DOP1A: variants seen among roughly 807,000 people sequenced by gnomAD.
The protein encoded by DOP1A is protein DOP1A.
DOP1A carries 90 observed loss-of-function variants against 267.6 expected under a neutral mutation model. The observed-to-expected ratio is 0.34, with a 90% CI of 0.28 to 0.40. The LOEUF is 0.40. Ranked by LOEUF, DOP1A falls within the 10% of genes least tolerant of loss-of-function variation. The probability of loss-of-function intolerance (pLI) is 1.00; values close to 1 mark genes in which losing one functional copy is unlikely to be tolerated. For missense variants in DOP1A, 2,437 were observed against 2,900.4 expected (o/e 0.84, Z 3.67); for synonymous variants, 932 against 999.1 (o/e 0.93, Z 1.27).
intron 4 of DOP1A, among the ~76,000 whole-genome samples, chr6:83,107,281 C>G (rs1406601347): frequency 1.3e-5 from 2 of 151,966 alleles, no homozygotes; most frequent in East Asian, 3.9e-4. Context: ...TGAAGCAGGT[C>G]CCTGGACAGG....
chr6:83,094,852 G>T (rs1311649670), intron 1 of DOP1A, among the ~76,000 whole-genome samples: 1 of 151,962 alleles, frequency 6.6e-6, no homozygotes, highest in Admixed American at 6.6e-5. Context: ...GTTATCCTTT[G>T]CAACACGAAA....
chr6:83,125,554 A>G lies in DOP1A; in HGVS notation c.1540A>G (p.Ile514Val). 1 of 1,613,768 alleles carries G rather than the reference A, an allele frequency of 6.2e-7. No individual in the cohort carries two copies. The highest frequency in any genetic ancestry group is 8.5e-7 in the Non-Finnish European group (1 of 1,179,766). The change falls in exon 15 of 39, where the codon ATT becomes GTT. Residue 514 changes from isoleucine to valine, a missense_variant. Ile to Val is a conservative substitution (Grantham distance 29). Transcript: ENST00000349129. The stretch of plus-strand genomic sequence containing the variant: ...CTTGCCCCAGTTGCTGCTCAGAATG[A>G]TTTCTGCCTTGACAAGCCATCTCCA... ...EHLPQLLLRM[I>V]SALTSHLQTL... is the part of the protein sequence containing the mutation.
intron 33 of DOP1A, 74 bp downstream of exon 33, chr6:83,154,315 T>C: frequency 7.2e-7 from 1 of 1,384,084 alleles, no homozygotes; most frequent in East Asian, 2.3e-5. Flanking sequence ...TGTACTCTTT[T>C]CTGGAGACTA....
At chr6:83,091,818 C>T (rs1770476345) in intron 1 of DOP1A, among the ~76,000 whole-genome samples, 1 of 152,094 alleles carries the variant, frequency 6.6e-6, no homozygotes, top group African/African-American at 2.4e-5. Context: ...AAAAATGTTC[C>T]TGCTGATAAA....
downstream of DOP1A, chr6:83,168,909 TTGG>T: frequency 2.8e-6 from 3 of 1,072,840 alleles, no homozygotes; most frequent in South Asian, 1.0e-4. Context: ...TCACAAGGAG[TTGG>T]TAATAAGATT....
chr6:83,125,707 T>G lies in DOP1A; in HGVS notation c.1693T>G (p.Ser565Ala). The change falls in exon 15 of 39, where the codon TCA (serine) becomes GCA (alanine). Residue 565 changes from serine (S) to alanine (A), a missense_variant. This residue lies in a region of DOP1A where 498 missense variants were observed against 513.5 expected (regional missense o/e 0.97). Coordinates refer to ENST00000349129, the MANE Select transcript of DOP1A (RefSeq NM_015018.4). ...GCAGTTTCCAAGTGGGCAGAACAAT[T>G]CAGTCAAAGAGTGGGAAGACAAAAA... ...VLQFPSGQNN[S>A]VKEWEDKKVS... 6.2e-7 allele frequency: 1 copy of G among 1,612,188 alleles called. No individual in the cohort carries two copies. Among genetic ancestry groups the G allele is most frequent in the Non-Finnish European group, 8.5e-7 (1 of 1,178,456 alleles).
At chr6:83,152,261 A>G in intron 29 of DOP1A, 27 bp from the exon 30 acceptor site, 1 of 1,389,502 alleles carries the variant, frequency 7.2e-7, no homozygotes, top group Non-Finnish European at 1.0e-6. Flanking sequence ...GGAATTAGCC[A>G]TATCTTTAAT....
At chr6:83,072,076 C>T (rs890677332) in intron 1 of DOP1A, among the ~76,000 whole-genome samples, 1 of 152,110 alleles carries the variant, frequency 6.6e-6, no homozygotes, top group Non-Finnish European at 1.5e-5. Flanking sequence ...GAAGACATTT[C>T]TAGACTTTTT....
chr6:83,157,073 A>G, intron 34 of DOP1A, 109 bp from the exon 35 acceptor site: 1 of 1,074,032 alleles, frequency 9.3e-7, no homozygotes, highest in Non-Finnish European at 1.3e-6. Context: ...GAATTTTTTT[A>G]AAGTTTATCC....
At chr6:83,083,017 A>G (rs1353164270) in intron 1 of DOP1A, among the ~76,000 whole-genome samples, 3 of 152,098 alleles carry the variant, frequency 2.0e-5, no homozygotes, top group Admixed American at 6.6e-5. Context: ...CATGTTGGCC[A>G]GGCTGGTCTC....
chr6:83,083,623 G>C (rs1768539781), intron 1 of DOP1A, among the ~76,000 whole-genome samples: 1 of 152,176 alleles, frequency 6.6e-6, no homozygotes, highest in African/African-American at 2.4e-5. Flanking sequence ...AAAGGGCTTA[G>C]TATAGTGCCT....
At chr6:83,118,323 AAAG>A (rs1775808664) in intron 7 of DOP1A, among the ~76,000 whole-genome samples, 1 of 152,172 alleles carries the variant, frequency 6.6e-6, no homozygotes, top group African/African-American at 2.4e-5. Flanking sequence ...TATTGGGAAA[AAAG>A]AAAAAAATTA....
downstream of DOP1A, chr6:83,169,317 C>T (rs1336612507): frequency 2.5e-6 from 4 of 1,613,518 alleles, no homozygotes; most frequent in South Asian, 1.1e-5. Flanking sequence ...AGGTGATCTG[C>T]ACTTTCCTGC....
downstream of DOP1A, chr6:83,170,610 G>A (rs568731652): frequency 1.8e-4 from 132 of 725,434 alleles, no homozygotes; most frequent in African/African-American, 2.1e-3. Flanking sequence ...TCCAAGGTCA[G>A]GGTAATTAAT....
intron 3 of DOP1A, among the ~76,000 whole-genome samples, chr6:83,099,715 CAT>C (rs67469209): frequency 0.84 from 123,830 of 146,990 alleles, 52,682 homozygotes; most frequent in Non-Finnish European, 0.9. Context: ...TGTGTATATA[CAT>C]ATATATATAT....
In DOP1A at chr6:83,155,944, T is replaced by G; in HGVS notation, c.6452-7T>G. Reference sequence around the variant, plus strand: ...AGTGTCACAGTCTCTTTCACTTGCTTTTTCAGCTCGTGTAGCAGTGGCTCA... The same window carrying G: ...AGTGTCACAGTCTCTTTCACTTGCTGTTTCAGCTCGTGTAGCAGTGGCTCA... On this transcript the variant is annotated splice_polypyrimidine_tract_variant and splice_region_variant and intron_variant, in intron 33 of 38. Coordinates refer to ENST00000349129, the MANE Select transcript of DOP1A (RefSeq NM_015018.4). 3 of 1,603,248 alleles carry G rather than the reference T, an allele frequency of 1.9e-6. No individual in the cohort carries two copies. Among genetic ancestry groups the G allele is most frequent in the Non-Finnish European group, 2.5e-6 (3 of 1,177,230 alleles).
At chr6:83,170,748 C>T, downstream of DOP1A, 1 of 281,694 alleles carries the variant, frequency 3.5e-6, no homozygotes, top group Non-Finnish European at 6.6e-6. Context: ...TGACTAAGTC[C>T]CATATCACAC....
intron 1 of DOP1A, among the ~76,000 whole-genome samples, chr6:83,089,823 G>T (rs928489135): frequency 6.6e-6 from 1 of 152,174 alleles, no homozygotes; most frequent in Non-Finnish European, 1.5e-5. Flanking sequence ...TAAGATGATG[G>T]AAATGTTCTG....
At chr6:83,125,332 T>C (rs1583024566) in intron 14 of DOP1A, 137 bp downstream of exon 14, 2 of 1,118,470 alleles carry the variant, frequency 1.8e-6, no homozygotes, top group Non-Finnish European at 2.5e-6. Context: ...AATTTGGGAA[T>C]AGAAATTTTA....
Sources: gnomAD v4.1 joint callset for allele counts (sites outside exome capture counted in the v4.1 genomes callset) on GRCh38, gnomAD v4.1.1 for gene constraint, gnomAD v4.1.1 regional missense constraint, MANE v1.5 for transcripts, NCBI Gene and HGNC (gene_info 2026-07-23, HGNC 2026-07-21) for gene names.